IQSEC1: variants seen among roughly 807,000 people sequenced by gnomAD.
IQSEC1 encodes the protein IQ motif and Sec7 domain ArfGEF 1, also known as IQ motif and SEC7 domain-containing protein 1.
IQSEC1 carries 31 observed loss-of-function variants against 91.0 expected under a neutral mutation model. The ratio of observed to expected loss-of-function variants is 0.34; its 90% CI spans 0.26 to 0.46. The LOEUF (loss-of-function observed/expected upper bound fraction) is 0.46. Among genes scored for constraint, IQSEC1 ranks in the 20% least tolerant of loss-of-function variants. The probability of loss-of-function intolerance (pLI) is 1.00; values close to 1 mark genes in which losing one functional copy is unlikely to be tolerated. For missense variants in IQSEC1, 1,388 were observed against 1,575.6 expected (o/e 0.88, Z 2.02); for synonymous variants, 699 against 662.6 (o/e 1.05, Z -0.84).
intron 1 of IQSEC1, among the ~76,000 whole-genome samples, chr3:13,199,096 G>A (rs1172778917): frequency 6.6e-6 from 1 of 152,232 alleles, no homozygotes; most frequent in African/African-American, 2.4e-5. Flanking sequence ...CACGGCGGGG[G>A]TGCGAGGGGA....
In IQSEC1 at chr3:12,901,361, G is replaced by C. The variant is rs1694280955; in HGVS notation, c.2967C>G (p.Ala989=). 6.5e-7 allele frequency: 1 copy of C among 1,536,440 alleles called. No individual in the cohort carries two copies. Among genetic ancestry groups the C allele is most frequent in the Admixed American group, 2.0e-5 (1 of 50,860 alleles). Residue 989 remains alanine (A), a synonymous_variant, in exon 14 of 14, where the codon GCC becomes GCG. Coordinates refer to ENST00000613206, the MANE Select transcript of IQSEC1 (RefSeq NM_001134382.3). The stretch of plus-strand genomic sequence containing the variant: ...GTGGGTGGGGGGGTGGCAGGGCTGG[G>C]GCTGAGGGCAGGTGGGCCTGGGGAG... ...KPPPQAHLPS[A]PALPPPHPPV...
At position 12,983,902 on chromosome 3, in the gene IQSEC1, C is replaced by A. The variant is rs1028630135; in HGVS notation, c.24-42037G>T. Among the ~76,000 whole-genome samples, 1 of 152,160 alleles carries A rather than the reference C, an allele frequency of 6.6e-6. No homozygotes were observed. The highest frequency in any genetic ancestry group is 1.5e-5 in the Non-Finnish European group (1 of 68,018). ...ATGTCCCTGTCCCCAAATCCACATGCCTTTAAAAATAAAGCACCTACCTTC... is the reference window on the plus strand; with the variant it reads ...ATGTCCCTGTCCCCAAATCCACATGACTTTAAAAATAAAGCACCTACCTTC... On this transcript the variant is annotated intron_variant, in intron 1 of 13. Coordinates refer to ENST00000613206, the MANE Select transcript of IQSEC1 (RefSeq NM_001134382.3). This position sits in a 1 kb window ranked among gnomAD's most constrained non-coding sequence, Gnocchi z 4.3.
intron 1 of IQSEC1, among the ~76,000 whole-genome samples, chr3:12,974,065 G>T (rs1311308783): frequency 6.6e-6 from 1 of 152,220 alleles, no homozygotes; most frequent in Non-Finnish European, 1.5e-5. Context: ...GGATGCATGG[G>T]AAAGACCCTG....
At chr3:13,228,823 G>A (rs1476164577) in intron 1 of IQSEC1, among the ~76,000 whole-genome samples, 1 of 152,116 alleles carries the variant, frequency 6.6e-6, no homozygotes, top group Non-Finnish European at 1.5e-5. Flanking sequence ...CCAGGCTCTC[G>A]GTACCGACAG....
intron 2 of IQSEC1, among the ~76,000 whole-genome samples, chr3:13,097,774 C>T (rs1168153513): frequency 1.3e-5 from 2 of 152,172 alleles, no homozygotes; most frequent in African/African-American, 2.4e-5. Flanking sequence ...CTTCTGGCTG[C>T]GCATTCAACT....
intron 1 of IQSEC1, among the ~76,000 whole-genome samples, chr3:13,032,169 A>C (rs1450504113): frequency 6.6e-6 from 1 of 152,196 alleles, no homozygotes; most frequent in Non-Finnish European, 1.5e-5. Flanking sequence ...CTACTCCTTC[A>C]AAGTGTCTTT....
chr3:13,079,443 C>T (rs1705615128), intron 2 of IQSEC1, among the ~76,000 whole-genome samples: 1 of 152,220 alleles, frequency 6.6e-6, no homozygotes, highest in Non-Finnish European at 1.5e-5. Context: ...AGCCACTTGC[C>T]TCCTTCTGGT....
At chr3:13,028,412 C>A (rs529462074) in intron 1 of IQSEC1, among the ~76,000 whole-genome samples, 1 of 152,348 alleles carries the variant, frequency 6.6e-6, no homozygotes, top group African/African-American at 2.4e-5. Flanking sequence ...AAGACAATTG[C>A]ACAGTCTTAT....
chr3:13,135,420 G>C (rs1706690611), intron 2 of IQSEC1, among the ~76,000 whole-genome samples: 1 of 152,244 alleles, frequency 6.6e-6, no homozygotes, highest in African/African-American at 2.4e-5. Flanking sequence ...ACTGCTACAC[G>C]GGCCAGGGAG....
At chr3:13,137,147 A>T (rs577388955) in intron 2 of IQSEC1, among the ~76,000 whole-genome samples, 1 of 152,212 alleles carries the variant, frequency 6.6e-6, no homozygotes, top group South Asian at 2.1e-4. Flanking sequence ...AAAGAAAATC[A>T]TTTTGTCATT....
chr3:13,078,415 G>C (rs1282805072), upstream of IQSEC1, among the ~76,000 whole-genome samples: 1 of 152,196 alleles, frequency 6.6e-6, no homozygotes, highest in African/African-American at 2.4e-5. Flanking sequence ...CAGAGCCCCA[G>C]GATGTGGGCT....
At chr3:12,958,657 C>T (rs915905261) in intron 1 of IQSEC1, among the ~76,000 whole-genome samples, 1 of 152,208 alleles carries the variant, frequency 6.6e-6, no homozygotes, top group African/African-American at 2.4e-5. Flanking sequence ...CATCTGATTC[C>T]ACACTAGCAC....
At chr3:13,219,481 G>T (rs1342776111) in intron 1 of IQSEC1, among the ~76,000 whole-genome samples, 4 of 152,234 alleles carry the variant, frequency 2.6e-5, no homozygotes, top group African/African-American at 7.2e-5. Context: ...TCAAGGATGT[G>T]CCCCCACCCC....
At chr3:13,106,760 C>A (rs1460550040) in intron 2 of IQSEC1, among the ~76,000 whole-genome samples, 2 of 152,220 alleles carry the variant, frequency 1.3e-5, no homozygotes, top group Admixed American at 1.3e-4. Context: ...TCAAAACATG[C>A]TTATAAAGTG....
chr3:13,208,167 G>A (rs563472395), intron 1 of IQSEC1, among the ~76,000 whole-genome samples: 20 of 149,988 alleles, frequency 1.3e-4, no homozygotes, highest in African/African-American at 4.7e-4. Flanking sequence ...GACACTGCAC[G>A]GCCACTAGAT....
intron 1 of IQSEC1, among the ~76,000 whole-genome samples, chr3:13,065,349 G>A (rs925124741): frequency 5.3e-5 from 8 of 152,352 alleles, no homozygotes; most frequent in African/African-American, 1.9e-4. Flanking sequence ...CCTCTGGGCA[G>A]AAGAACAAGA....
intron 1 of IQSEC1, among the ~76,000 whole-genome samples, chr3:13,009,993 T>C (rs2163897): frequency 0.081 from 12,371 of 152,308 alleles, 1,610 homozygotes; most frequent in African/African-American, 0.28. Flanking sequence ...GATTTGGGAT[T>C]TGAGGACATT....
intron 1 of IQSEC1, among the ~76,000 whole-genome samples, chr3:13,010,260 C>T (rs192746389): frequency 1.6e-4 from 25 of 152,292 alleles, no homozygotes; most frequent in African/African-American, 5.1e-4. Flanking sequence ...TTCTCACTTC[C>T]GGTAAGACAC....
At chr3:13,018,390 A>G (rs973102572) in intron 1 of IQSEC1, among the ~76,000 whole-genome samples, 2 of 152,204 alleles carry the variant, frequency 1.3e-5, no homozygotes, top group Non-Finnish European at 2.9e-5. Flanking sequence ...CCCACTCCTT[A>G]TCAACCAGCA....
Sources: allele counts gnomAD v4.1 joint callset (sites outside exome capture counted in the v4.1 genomes callset), GRCh38; gene constraint gnomAD v4.1.1; non-coding constraint Gnocchi (gnomAD v3.1); transcripts MANE v1.5; gene names NCBI Gene and HGNC (gene_info 2026-07-23, HGNC 2026-07-21).